Variants in UNC5D observed in about 807,000 individuals in gnomAD.
UNC5D encodes the protein netrin receptor UNC5D.
In UNC5D, 39 loss-of-function variants were observed where a neutral mutation model predicts 105.4. That is an observed-to-expected ratio of 0.37 (90% CI 0.29 to 0.48). The LOEUF is 0.48. Among genes scored for constraint, UNC5D ranks in the 20% least tolerant of loss-of-function variants. UNC5D has a pLI of 0.98. For missense variants in UNC5D, 991 were observed against 1,202.4 expected (o/e 0.82, Z 2.60); for synonymous variants, 452 against 450.4 (o/e 1.00, Z -0.04).
At chr8:35,503,069 C>G (rs753006541) in intron 1 of UNC5D, among the ~76,000 whole-genome samples, 1 of 152,080 alleles carries the variant, frequency 6.6e-6, no homozygotes, top group Non-Finnish European at 1.5e-5. Context: ...ACAACGGATT[C>G]AAAACCTGAA....
intron 4 of UNC5D, among the ~76,000 whole-genome samples, chr8:35,627,247 A>G (rs750272073): frequency 6.6e-6 from 1 of 152,146 alleles, no homozygotes; most frequent in East Asian, 1.9e-4. Context: ...CTAGAGTAAA[A>G]TCCAATGACC....
chr8:35,496,708 T>A (rs1461727253), intron 1 of UNC5D, among the ~76,000 whole-genome samples: 3 of 152,198 alleles, frequency 2.0e-5, no homozygotes, highest in African/African-American at 7.2e-5. Flanking sequence ...TTTTTAGAAC[T>A]GTACTGCCAT....
chr8:35,609,056 T>A (rs544649843), intron 4 of UNC5D, among the ~76,000 whole-genome samples: 97 of 152,324 alleles, frequency 6.4e-4, no homozygotes, highest in African/African-American at 2.3e-3. Context: ...TCTCCGCATC[T>A]TGTCAACATC....
intron 11 of UNC5D, among the ~76,000 whole-genome samples, chr8:35,737,844 C>T (rs568473294): frequency 1.1e-4 from 16 of 152,264 alleles, no homozygotes; most frequent in South Asian, 4.1e-4. Flanking sequence ...TGGTGTCTCA[C>T]GCTTGTAATC....
At chr8:35,291,147 C>T (rs1217711331) in intron 1 of UNC5D, among the ~76,000 whole-genome samples, 1 of 151,888 alleles carries the variant, frequency 6.6e-6, no homozygotes, top group Admixed American at 6.6e-5. Flanking sequence ...TATAGAGTGG[C>T]TGAATGGAAA....
chr8:35,404,583 C>T (rs917361968), intron 1 of UNC5D, among the ~76,000 whole-genome samples: 5 of 152,032 alleles, frequency 3.3e-5, no homozygotes, highest in African/African-American at 1.2e-4. Context: ...AACAAGATTT[C>T]CCATGTGATT....
At chr8:35,375,307 T>A (rs1241464326) in intron 1 of UNC5D, among the ~76,000 whole-genome samples, 1 of 152,220 alleles carries the variant, frequency 6.6e-6, no homozygotes, top group African/African-American at 2.4e-5. Flanking sequence ...ATAATTAGCA[T>A]GAGTCACTGA....
chr8:35,464,148 G>A (rs1417533652), intron 1 of UNC5D, among the ~76,000 whole-genome samples: 7 of 152,042 alleles, frequency 4.6e-5, no homozygotes, highest in African/African-American at 9.7e-5. Flanking sequence ...CCAACATGGC[G>A]AAACCCCATC....
intron 4 of UNC5D, among the ~76,000 whole-genome samples, chr8:35,646,215 G>T (rs1823040762): frequency 6.6e-6 from 1 of 152,046 alleles, no homozygotes; most frequent in South Asian, 2.1e-4. Flanking sequence ...CTTTCAGCTT[G>T]CAGATTACTA....
At chr8:35,525,810 A>C (rs1813832992) in intron 1 of UNC5D, 7 of 1,451,504 alleles carry the variant, frequency 4.8e-6, no homozygotes, top group Non-Finnish European at 6.4e-6. Context: ...TTTTGTTTTA[A>C]TTATACAGAA....
At chr8:35,347,314 A>G (rs146229529) in intron 1 of UNC5D, among the ~76,000 whole-genome samples, 2 of 152,078 alleles carry the variant, frequency 1.3e-5, no homozygotes, top group African/African-American at 4.8e-5. Flanking sequence ...ATTCATGTTT[A>G]GAGGCTTTAT....
intron 4 of UNC5D, among the ~76,000 whole-genome samples, chr8:35,602,585 A>G (rs1819964871): frequency 6.6e-6 from 1 of 152,108 alleles, no homozygotes. Context: ...GTTTATTTGC[A>G]TAGAGGTGTT....
rs796874155 is a variant in UNC5D at position 35,550,397 on chromosome 8, A to G, written c.322+887A>G. Among the ~76,000 whole-genome samples the G allele has an allele frequency of 1.1e-4, 16 of 152,290 alleles. 1 individual carries two copies. The highest frequency in any genetic ancestry group is 3.8e-4 in the African/African-American group (16 of 41,570). ...CTTTTGAACTTTGCTTTCTCAGACA[A>G]GATCCAATCTGGTCACACGTTAGAT... On this transcript the variant is annotated intron_variant, in intron 2 of 16. Coordinates refer to ENST00000404895, the MANE Select transcript of UNC5D (RefSeq NM_080872.4).
chr8:35,715,076 A>G (rs1278794040), intron 8 of UNC5D, among the ~76,000 whole-genome samples: 1 of 152,200 alleles, frequency 6.6e-6, no homozygotes. Context: ...ACTTGAACCC[A>G]GGAGATGGAA....
At chr8:35,384,939 C>T (rs1465233783) in intron 1 of UNC5D, among the ~76,000 whole-genome samples, 1 of 152,170 alleles carries the variant, frequency 6.6e-6, no homozygotes, top group Admixed American at 6.5e-5. Context: ...CATGGGAGCT[C>T]TCTGGGAGAG....
chr8:35,380,398 G>A (rs1339631053), intron 1 of UNC5D, among the ~76,000 whole-genome samples: 1 of 151,836 alleles, frequency 6.6e-6, no homozygotes, highest in Non-Finnish European at 1.5e-5. Context: ...TGGTGGGGTG[G>A]GGGCATGCAG....
At chr8:35,718,552 A>AAGTT (rs1188496417) in intron 8 of UNC5D, among the ~76,000 whole-genome samples, 1 of 152,216 alleles carries the variant, frequency 6.6e-6, no homozygotes, top group African/African-American at 2.4e-5. Context: ...TTTCCCTGGG[A>AAGTT]AGTTATAGAG....
chr8:35,550,767 G>T (rs553635190), intron 2 of UNC5D, among the ~76,000 whole-genome samples: 1 of 152,140 alleles, frequency 6.6e-6, no homozygotes, highest in African/African-American at 2.4e-5. Context: ...TATCAGTAAA[G>T]GTATTGTAGA....
chr8:35,794,817 G>C lies in UNC5D; in HGVS notation c.*4254G>C, dbSNP rs865892614. On this transcript the variant is annotated 3_prime_UTR_variant, in exon 17 of 17. Transcript: ENST00000404895. ...ATGAACTCCTGACATCCCCACTCCA[G>C]GGTCATTCATGACATTGAAATGGCA... is the stretch of plus-strand genomic sequence containing the variant. 6.6e-6 allele frequency: 1 copy of C among 152,176 alleles called. No individual in the cohort carries two copies. Among genetic ancestry groups the C allele is most frequent in the South Asian group, 2.1e-4 (1 of 4,834 alleles). 9.4% of individuals were successfully genotyped at this position (152,176 alleles called of 1,614,324 possible).
Sources: gnomAD v4.1 joint callset for allele counts (sites outside exome capture counted in the v4.1 genomes callset) on GRCh38, gnomAD v4.1.1 for gene constraint, MANE v1.5 for transcripts, NCBI Gene and HGNC (gene_info 2026-07-23, HGNC 2026-07-21) for gene names.